Variants in NEBL observed in about 807,000 individuals in gnomAD.
NEBL encodes the protein nebulette, also known as LIM and SH3 protein 2.
NEBL carries 122 observed loss-of-function variants against 140.2 expected under a neutral mutation model. That is an observed-to-expected ratio of 0.87 (90% CI 0.75 to 1.01). The LOEUF (loss-of-function observed/expected upper bound fraction) is 1.01, where lower values mean the gene tolerates loss of function less well. NEBL is among the 50% of genes least tolerant of loss of function. The pLI, the probability that NEBL is intolerant of heterozygous loss-of-function variation, is 0.00. For synonymous variants in NEBL, 436 were observed against 398.9 expected, an observed-to-expected ratio of 1.09 and a Z score of -1.11; for missense variants, 1,365 against 1,231.3, an observed-to-expected ratio of 1.11 and a Z score of -1.62.
At position 21,126,419 on chromosome 10, in the gene NEBL, G is replaced by T. The variant is rs149153705; in HGVS notation, c.164+45964C>A. The stretch of plus-strand genomic sequence containing the variant: ...AGATCAGAGAGAGAGAGAAACAAAA[G>T]CATTCCATATTTTCAAATGCATTAG... On this transcript the variant is annotated intron_variant, in intron 2 of 6. Transcript: ENST00000417816. Among the ~76,000 whole-genome samples, 713 of 152,222 alleles carry T rather than the reference G, an allele frequency of 4.7e-3. 5 individuals carry two copies. The highest frequency in any genetic ancestry group is 0.016 in the African/African-American group (679 of 41,522).
At chr10:21,174,183 G>A (rs553832333) in exon 1 of NEBL, 4 of 369,108 alleles carry the variant, frequency 1.1e-5, no homozygotes, top group Admixed American at 6.3e-5. Context: ...CCGCCGCCGC[G>A]CAGGCCAAAC....
At chr10:21,068,831 G>A (rs1264426523) in intron 2 of NEBL, among the ~76,000 whole-genome samples, 7 of 152,164 alleles carry the variant, frequency 4.6e-5, no homozygotes, top group Non-Finnish European at 8.8e-5. Flanking sequence ...TGAAATATTT[G>A]GAGTATTCCT....
intron 2 of NEBL, among the ~76,000 whole-genome samples, chr10:21,156,846 T>G (rs1319220034): frequency 6.6e-6 from 1 of 152,234 alleles, no homozygotes; most frequent in Non-Finnish European, 1.5e-5. Context: ...ATCTCTACAT[T>G]GAACTACAGC....
intron 4 of NEBL, among the ~76,000 whole-genome samples, chr10:20,903,212 T>C (rs1219242664): frequency 2.0e-5 from 3 of 152,266 alleles, no homozygotes; most frequent in Admixed American, 2.0e-4. Context: ...AGTAATGGCA[T>C]GAAAAGACAT....
At chr10:20,938,609 G>A (rs544372909) in intron 4 of NEBL, among the ~76,000 whole-genome samples, 24 of 152,330 alleles carry the variant, frequency 1.6e-4, no homozygotes, top group African/African-American at 5.8e-4. Flanking sequence ...GACGAGTTGA[G>A]AGAAGAAGGC....
chr10:20,814,930 G>A (rs1365829071), intron 22 of NEBL, among the ~76,000 whole-genome samples: 1 of 152,184 alleles, frequency 6.6e-6, no homozygotes. Context: ...AAGCCTAAAT[G>A]CTGATTCTCA....
chr10:21,197,104 C>T (rs1426456234), intron 3 of NEBL, among the ~76,000 whole-genome samples: 1 of 152,176 alleles, frequency 6.6e-6, no homozygotes, highest in Non-Finnish European at 1.5e-5. Context: ...TAATTTTGCT[C>T]TTCCACTTGT....
chr10:21,060,570 T>C (rs1431511928), intron 2 of NEBL, among the ~76,000 whole-genome samples: 1 of 152,160 alleles, frequency 6.6e-6, no homozygotes, highest in Non-Finnish European at 1.5e-5. Flanking sequence ...CTGGCTCATA[T>C]ATTTTAAAAT....
chr10:21,032,809 C>A (rs942861009), intron 2 of NEBL, among the ~76,000 whole-genome samples: 2 of 152,174 alleles, frequency 1.3e-5, no homozygotes, highest in Non-Finnish European at 2.9e-5. Context: ...CTCTTTCTGG[C>A]TCGAAGGGTC....
intron 1 of NEBL, among the ~76,000 whole-genome samples, chr10:21,286,280 T>A (rs1037849606): frequency 2.0e-5 from 3 of 152,220 alleles, no homozygotes; most frequent in African/African-American, 2.4e-5. Flanking sequence ...CAGGAATCTT[T>A]TTATCTTTAA....
chr10:21,126,115 T>C, intron 2 of NEBL: 3 of 1,609,656 alleles, frequency 1.9e-6, no homozygotes, highest in Non-Finnish European at 2.6e-6. Flanking sequence ...CCGTTCTGCC[T>C]TACCAGGCCT....
At chr10:21,107,768 G>A (rs1261855319) in intron 2 of NEBL, among the ~76,000 whole-genome samples, 1 of 152,142 alleles carries the variant, frequency 6.6e-6, no homozygotes, top group Non-Finnish European at 1.5e-5. Flanking sequence ...TGTACCTCTG[G>A]TAGAATTCAG....
At chr10:20,948,835 C>T (rs904070313) in intron 4 of NEBL, among the ~76,000 whole-genome samples, 2 of 152,164 alleles carry the variant, frequency 1.3e-5, no homozygotes, top group Non-Finnish European at 2.9e-5. Flanking sequence ...CCCCACAGCA[C>T]TGAGGGGATG....
intron 2 of NEBL, among the ~76,000 whole-genome samples, chr10:21,169,957 C>A (rs1841002492): frequency 6.6e-6 from 1 of 151,986 alleles, no homozygotes; most frequent in Admixed American, 6.5e-5. Flanking sequence ...TAAGTAGAAT[C>A]ATTTCCTTTT....
At chr10:20,923,693 A>AAAAAAAAG (rs1564445183) in intron 4 of NEBL, among the ~76,000 whole-genome samples, 1 of 148,122 alleles carries the variant, frequency 6.8e-6, no homozygotes, top group South Asian at 2.1e-4. Context: ...AAAAAAAAAA[A>AAAAAAAAG]AAAGAAATGG....
intron 3 of NEBL, among the ~76,000 whole-genome samples, chr10:21,200,967 G>A (rs1256461894): frequency 6.6e-6 from 1 of 151,968 alleles, no homozygotes; most frequent in African/African-American, 2.4e-5. Context: ...GCACAAAACT[G>A]TAGTTCCAGC....
chr10:21,252,682 G>A (rs191889474), intron 1 of NEBL, among the ~76,000 whole-genome samples: 184 of 152,256 alleles, frequency 1.2e-3, no homozygotes, highest in African/African-American at 4.1e-3. Flanking sequence ...GAGGCTGGGC[G>A]CGGTAGCTCA....
chr10:21,011,581 C>A (rs764379842), intron 3 of NEBL, among the ~76,000 whole-genome samples: 1 of 152,208 alleles, frequency 6.6e-6, no homozygotes, highest in African/African-American at 2.4e-5. Flanking sequence ...TCTCCTCGAA[C>A]TCCTTTGGCC....
chr10:20,823,550 T>C (rs1307787384), intron 18 of NEBL, among the ~76,000 whole-genome samples: 1 of 152,152 alleles, frequency 6.6e-6, no homozygotes, highest in Non-Finnish European at 1.5e-5. Flanking sequence ...AAGCAAATGT[T>C]GCTTATAAAA....
Sources: gnomAD v4.1 joint callset for allele counts (sites outside exome capture counted in the v4.1 genomes callset) on GRCh38, gnomAD v4.1.1 for gene constraint, MANE v1.5 for transcripts, NCBI Gene and HGNC (gene_info 2026-07-23, HGNC 2026-07-21) for gene names.